Variants in SLC38A8 observed in about 807,000 individuals in gnomAD.
SLC38A8 encodes the protein amino acid transporter SLC38A8.
A neutral mutation model predicts 46.0 loss-of-function variants in SLC38A8; 65 were observed. The ratio of observed to expected loss-of-function variants is 1.41; its 90% CI spans 1.16 to 1.74. SLC38A8 has a LOEUF of 1.74. Among genes scored for constraint, SLC38A8 ranks in the 40% most tolerant of loss-of-function variants. The pLI is 0.00. For missense variants in SLC38A8, 998 were observed against 567.9 expected (o/e 1.76, Z -7.70); for synonymous variants, 447 against 243.7 (o/e 1.83, Z -7.77).
At chr16:84,022,066 A>G (rs1242168790) in intron 7 of SLC38A8, among the ~76,000 whole-genome samples, 1 of 152,190 alleles carries the variant, frequency 6.6e-6, no homozygotes, top group Non-Finnish European at 1.5e-5. Flanking sequence ...TGAAGGCCCC[A>G]CGTCTCAATG....
intron 5 of SLC38A8, 96 bp from the exon 6 acceptor site, chr16:84,029,647 G>A (rs1037881394): frequency 1.5e-5 from 18 of 1,222,346 alleles, no homozygotes; most frequent in South Asian, 8.9e-5. Flanking sequence ...CTGGGAAAAT[G>A]TAACAGAGCA....
intron 3 of SLC38A8, among the ~76,000 whole-genome samples, chr16:84,035,769 C>T (rs1304493946): frequency 6.6e-6 from 1 of 152,192 alleles, no homozygotes; most frequent in East Asian, 1.9e-4. Flanking sequence ...AAAGGATATA[C>T]CTAGAGTTTC....
chr16:84,028,070 G>T (rs937770795), intron 6 of SLC38A8, among the ~76,000 whole-genome samples: 2 of 150,968 alleles, frequency 1.3e-5, no homozygotes, highest in African/African-American at 4.9e-5. Context: ...TTCCTAAAAA[G>T]GGTTCTCAAA....
intron 5 of SLC38A8, among the ~76,000 whole-genome samples, chr16:84,030,368 G>A (rs1297308631): frequency 1.3e-5 from 2 of 151,890 alleles, no homozygotes; most frequent in Non-Finnish European, 2.9e-5. Context: ...TCATCCCCTC[G>A]ACCTGCCTGT....
chr16:84,023,409 C>T (rs1010366279), intron 6 of SLC38A8, among the ~76,000 whole-genome samples: 3 of 152,124 alleles, frequency 2.0e-5, no homozygotes, highest in Non-Finnish European at 4.4e-5. Context: ...AATTACTTTG[C>T]TAAGAATCCT....
At chr16:84,031,572 C>T (rs1019600447) in intron 5 of SLC38A8, among the ~76,000 whole-genome samples, 1 of 149,046 alleles carries the variant, frequency 6.7e-6, no homozygotes, top group Admixed American at 6.8e-5. Context: ...AGATTCTGTA[C>T]CTCCACACTG....
At chr16:84,036,388 C>G (rs757644525) in intron 3 of SLC38A8, among the ~76,000 whole-genome samples, 1 of 152,236 alleles carries the variant, frequency 6.6e-6, no homozygotes, top group Non-Finnish European at 1.5e-5. Flanking sequence ...AAAGGTGTTA[C>G]TGGTTCTTTC....
intron 6 of SLC38A8, among the ~76,000 whole-genome samples, chr16:84,027,301 G>GATC (rs2085175649): frequency 6.6e-6 from 1 of 152,190 alleles, no homozygotes; most frequent in South Asian, 2.1e-4. Flanking sequence ...AGTGAGCCAA[G>GATC]ATCACACCAC....
At chr16:84,015,245 G>A (rs1012270509) in intron 9 of SLC38A8, among the ~76,000 whole-genome samples, 1 of 152,042 alleles carries the variant, frequency 6.6e-6, no homozygotes. Flanking sequence ...CTCTGTTCTG[G>A]GCTCCAGTGG....
At chr16:84,039,743 CAAAAAAAAAAAA>C (rs56074069) in intron 2 of SLC38A8, among the ~76,000 whole-genome samples, 98 of 85,808 alleles carry the variant, frequency 1.1e-3, no homozygotes, top group Middle Eastern at 6.7e-3. Flanking sequence ...GTGAGACCTT[CAAAAAAAAAAAA>C]AAAAAAAAAA....
intron 7 of SLC38A8, among the ~76,000 whole-genome samples, chr16:84,018,553 C>G (rs1035014230): frequency 1.3e-5 from 2 of 152,086 alleles, no homozygotes; most frequent in Non-Finnish European, 1.5e-5. Context: ...GCCACTAGTG[C>G]CATGCCCATA....
In SLC38A8 at chr16:84,031,884, C is replaced by A; in HGVS notation, c.615G>T (p.Glu205Asp). The A allele has an allele frequency of 6.2e-7, 1 of 1,614,124 alleles. No homozygotes were observed. ...AGACTTACCTCAGTGAAGGATGGGACTCACGCACGAGGCCCTGGGGCCAGA... is the reference window on the plus strand; with the variant it reads ...AGACTTACCTCAGTGAAGGATGGGAATCACGCACGAGGCCCTGGGGCCAGA... ...YYLWPQGLVRESHPSLSPASW... is the reference protein window; with the variant it reads ...YYLWPQGLVRDSHPSLSPASW... The change falls in exon 5 of 11, where the codon GAG (glutamate) becomes GAT (aspartate). Residue 205 changes from glutamate (E) to aspartate (D), a missense_variant. Transcript: ENST00000299709.
chr16:84,026,235 G>GTTTTC (rs965426054), intron 6 of SLC38A8, among the ~76,000 whole-genome samples: 1 of 152,106 alleles, frequency 6.6e-6, no homozygotes, highest in African/African-American at 2.4e-5. Flanking sequence ...CTGGTGTTTT[G>GTTTTC]TTTTGTTTTT....
chr16:84,039,423 T>G (rs998670450), intron 2 of SLC38A8, among the ~76,000 whole-genome samples: 1 of 152,106 alleles, frequency 6.6e-6, no homozygotes, highest in African/African-American at 2.4e-5. Flanking sequence ...GCCTGACAAA[T>G]GCAGACACTC....
chr16:84,028,073 T>C (rs1597266677), intron 6 of SLC38A8, among the ~76,000 whole-genome samples: 1 of 147,960 alleles, frequency 6.8e-6, no homozygotes, highest in African/African-American at 2.5e-5. Flanking sequence ...CTAAAAAGGG[T>C]TCTCAAAGAA....
chr16:84,016,397 T>A, intron 9 of SLC38A8, 122 bp downstream of exon 9: 3 of 1,129,816 alleles, frequency 2.7e-6, no homozygotes, highest in Non-Finnish European at 3.7e-6. Context: ...CTACATGGGG[T>A]CTTAATCCTA....
At chr16:84,023,008 G>T (rs1489967100) in intron 6 of SLC38A8, 119 bp from the exon 7 acceptor site, 2 of 657,986 alleles carry the variant, frequency 3.0e-6, no homozygotes, top group Non-Finnish European at 2.5e-6. Context: ...TCTTGAAATA[G>T]CCTGATCAAT....
At chr16:84,034,989 C>T (rs58488568) in intron 3 of SLC38A8, among the ~76,000 whole-genome samples, 31,207 of 151,456 alleles carry the variant, frequency 0.21, 3,462 homozygotes, top group East Asian at 0.27. Context: ...CAACCTCTAT[C>T]TAGCACTCCG....
chr16:84,026,663 C>A (rs2085168126), intron 6 of SLC38A8, among the ~76,000 whole-genome samples: 1 of 152,212 alleles, frequency 6.6e-6, no homozygotes, highest in South Asian at 2.1e-4. Flanking sequence ...GGACCCCACC[C>A]AGATGCCCAT....
Sources: gnomAD v4.1 joint callset for allele counts (sites outside exome capture counted in the v4.1 genomes callset) on GRCh38, gnomAD v4.1.1 for gene constraint, MANE v1.5 for transcripts, NCBI Gene and HGNC (gene_info 2026-07-23, HGNC 2026-07-21) for gene names.